Variants in TMC1 observed in about 807,000 individuals in gnomAD.
The protein encoded by TMC1 is transmembrane channel like 1, also known as transmembrane channel-like protein 1.
In TMC1, 84 loss-of-function variants were observed where a neutral mutation model predicts 105.8. That is an observed-to-expected ratio of 0.79 (90% CI 0.67 to 0.95). TMC1 has a LOEUF of 0.95. Ranked by LOEUF, TMC1 falls within the 40% of genes least tolerant of loss-of-function variation. The pLI is 0.00. For missense variants in TMC1, 817 were observed against 914.1 expected (o/e 0.89, Z 1.37); for synonymous variants, 315 against 311.5 (o/e 1.01, Z -0.12).
chr9:72,714,523 CTTCT>C (rs1171024374), intron 8 of TMC1, among the ~76,000 whole-genome samples: 4 of 152,124 alleles, frequency 2.6e-5, no homozygotes, highest in Non-Finnish European at 4.4e-5. Context: ...ATGTAATGCT[CTTCT>C]TTGTCTTTTT....
intron 1 of TMC1, among the ~76,000 whole-genome samples, chr9:72,552,179 A>G (rs1310735163): frequency 2.0e-5 from 3 of 152,180 alleles, no homozygotes; most frequent in Admixed American, 1.3e-4. Context: ...AATTTCTGCC[A>G]GGGAAGAGGA....
rs1193757262 is a variant in TMC1 at position 72,549,212 on chromosome 9, A to G, written c.-428+27299A>G. On this transcript the variant is annotated intron_variant, in intron 1 of 23. Coordinates refer to ENST00000297784, the MANE Select transcript of TMC1 (RefSeq NM_138691.3). Reference sequence around the variant, plus strand: ...TTCCTATCAAAGGTAATCATCAGACATTATATTTCATTAAATAATTTAATG... The same window carrying G: ...TTCCTATCAAAGGTAATCATCAGACGTTATATTTCATTAAATAATTTAATG... Among the ~76,000 whole-genome samples the G allele has an allele frequency of 2.6e-5, 4 of 152,288 alleles. No homozygotes were observed. The East Asian group carries it at 7.7e-4, about 29-fold the overall frequency.
chr9:72,775,843 C>T (rs1231732968), intron 13 of TMC1, among the ~76,000 whole-genome samples: 2 of 152,018 alleles, frequency 1.3e-5, no homozygotes, highest in Non-Finnish European at 2.9e-5. Flanking sequence ...GCAGAGATCA[C>T]GATGGTGAGA....
intron 2 of TMC1, among the ~76,000 whole-genome samples, chr9:72,581,465 C>G (rs1231745761): frequency 6.6e-6 from 1 of 152,132 alleles, no homozygotes; most frequent in Non-Finnish European, 1.5e-5. Flanking sequence ...TGCATTGACT[C>G]CATTTCTGTC....
chr9:72,796,642 T>C (rs1017553469), intron 17 of TMC1, among the ~76,000 whole-genome samples: 1 of 152,292 alleles, frequency 6.6e-6, no homozygotes, highest in East Asian at 1.9e-4. Flanking sequence ...TCTCCATAGA[T>C]GCAGAAAAAG....
chr9:72,647,143 A>G (rs1450743399), intron 4 of TMC1, among the ~76,000 whole-genome samples: 1 of 141,812 alleles, frequency 7.1e-6, no homozygotes, highest in Non-Finnish European at 1.5e-5. Flanking sequence ...CTCCATCTCA[A>G]AAAAAAAAAA....
chr9:72,753,579 T>G (rs1025648698), intron 11 of TMC1, among the ~76,000 whole-genome samples: 21 of 152,182 alleles, frequency 1.4e-4, no homozygotes, highest in African/African-American at 4.6e-4. Context: ...TGTCTTTGGA[T>G]ACCCTTTTAT....
At chr9:72,773,057 C>T (rs1005026472) in intron 13 of TMC1, among the ~76,000 whole-genome samples, 6 of 152,078 alleles carry the variant, frequency 3.9e-5, no homozygotes, top group African/African-American at 1.4e-4. Context: ...TCACAATCAA[C>T]TGTATAATCA....
chr9:72,771,935 T>C lies in TMC1; in HGVS notation c.742-478T>C, dbSNP rs146498953. Among the ~76,000 whole-genome samples the C allele has an allele frequency of 1.2e-3, 177 of 152,266 alleles. 2 individuals are homozygous for C. The highest frequency in any genetic ancestry group is 3.4e-3 in the African/African-American group (141 of 41,552). On this transcript the variant is annotated intron_variant, in intron 12 of 23. Coordinates refer to ENST00000297784, the MANE Select transcript of TMC1 (RefSeq NM_138691.3). ...CAATGTCATCCCACCTGCTCTTTGATATTTGTGAAGTGAGAGCTGAGACAT... is the reference window on the plus strand; with the variant it reads ...CAATGTCATCCCACCTGCTCTTTGACATTTGTGAAGTGAGAGCTGAGACAT...
chr9:72,638,692 G>C (rs551763954), intron 4 of TMC1, among the ~76,000 whole-genome samples: 1 of 152,290 alleles, frequency 6.6e-6, no homozygotes, highest in South Asian at 2.1e-4. Flanking sequence ...AATGTGTAGA[G>C]AGTAAATTGA....
intron 2 of TMC1, among the ~76,000 whole-genome samples, chr9:72,584,941 C>T (rs1290822992): frequency 6.0e-5 from 9 of 151,056 alleles, no homozygotes; most frequent in South Asian, 2.1e-4. Context: ...TGCACTACCA[C>T]GCCTGGCTAA....
intron 4 of TMC1, among the ~76,000 whole-genome samples, chr9:72,643,352 T>A (rs1825657740): frequency 6.6e-6 from 1 of 152,198 alleles, no homozygotes; most frequent in African/African-American, 2.4e-5. Flanking sequence ...GGAAAGAAAT[T>A]GATATGCAGT....
intron 11 of TMC1, among the ~76,000 whole-genome samples, chr9:72,753,286 C>CTTTTTTTTT (rs5898269): frequency 2.1e-4 from 17 of 81,826 alleles, no homozygotes; most frequent in African/African-American, 4.2e-4. Flanking sequence ...TTAACCCCAG[C>CTTTTTTTTT]TTTTTTTTTT....
intron 1 of TMC1, among the ~76,000 whole-genome samples, chr9:72,547,150 G>A (rs138565235): frequency 3.9e-5 from 6 of 152,232 alleles, no homozygotes; most frequent in Admixed American, 1.3e-4. Context: ...AGCTGGGTGC[G>A]TTGGCGTGCG....
intron 1 of TMC1, among the ~76,000 whole-genome samples, chr9:72,538,396 TG>T (rs1823620075): frequency 8.5e-6 from 1 of 117,166 alleles, no homozygotes; most frequent in Admixed American, 8.1e-5. Flanking sequence ...ATAAAATACT[TG>T]TATTGTATTG....
At chr9:72,760,755 A>T (rs148796286) in intron 12 of TMC1, among the ~76,000 whole-genome samples, 1 of 152,152 alleles carries the variant, frequency 6.6e-6, no homozygotes, top group Non-Finnish European at 1.5e-5. Flanking sequence ...CACAAGCATG[A>T]TCTCTTATGG....
At chr9:72,699,409 T>C (rs1826604590) in intron 7 of TMC1, among the ~76,000 whole-genome samples, 1 of 152,172 alleles carries the variant, frequency 6.6e-6, no homozygotes, top group Non-Finnish European at 1.5e-5. Context: ...CTTTGAGAAA[T>C]AGATTTTTAT....
At chr9:72,790,494 C>A (rs1476597563) in intron 15 of TMC1, among the ~76,000 whole-genome samples, 1 of 152,072 alleles carries the variant, frequency 6.6e-6, no homozygotes, top group Non-Finnish European at 1.5e-5. Flanking sequence ...AGTTTGCTTT[C>A]AAAATGGTCT....
chr9:72,537,427 T>C (rs1434473895), intron 1 of TMC1, among the ~76,000 whole-genome samples: 3 of 152,218 alleles, frequency 2.0e-5, no homozygotes, highest in Non-Finnish European at 2.9e-5. Context: ...ATCTTCCAAA[T>C]TTTTATGCTT....
Sources: gnomAD v4.1 joint callset for allele counts (sites outside exome capture counted in the v4.1 genomes callset) on GRCh38, gnomAD v4.1.1 for gene constraint, MANE v1.5 for transcripts, NCBI Gene and HGNC (gene_info 2026-07-23, HGNC 2026-07-21) for gene names.